SRRM4: variants seen among roughly 807,000 people sequenced by gnomAD.
SRRM4 encodes serine/arginine repetitive matrix protein 4.
In SRRM4, 33 loss-of-function variants were observed where a neutral mutation model predicts 68.9. That is an observed-to-expected ratio of 0.48 (90% CI 0.36 to 0.64). The LOEUF (loss-of-function observed/expected upper bound fraction) is 0.64. SRRM4 is among the 30% of genes least tolerant of loss of function. The pLI is 0.00. For missense variants in SRRM4, 817 were observed against 827.1 expected (o/e 0.99, Z 0.15); for synonymous variants, 318 against 318.8 (o/e 1.00, Z 0.03).
rs538093067 is a variant in SRRM4, at chr12:119,094,180, T to TG, written c.132-8054dup. 1.8e-4 allele frequency among the ~76,000 whole-genome samples: 28 copies of TG among 152,244 alleles called. No individual in the cohort carries two copies. The South Asian group carries it at 5.0e-3, about 27-fold the overall frequency. ...CACACTTGCTCTCAGCCCTGACAAC[T>TG]GGACTAAGCCATTCTCATCCATCGC... On this transcript the variant is annotated intron_variant, in intron 1 of 12. Transcript: ENST00000267260.
intron 2 of SRRM4, among the ~76,000 whole-genome samples, chr12:119,105,021 C>T: frequency 7.1e-6 from 1 of 141,742 alleles, no homozygotes; most frequent in Non-Finnish European, 1.5e-5. Context: ...ATCCTGTGTC[C>T]AAGTGTTCTC....
At chr12:119,085,005 A>T (rs970529965) in intron 1 of SRRM4, among the ~76,000 whole-genome samples, 1 of 152,128 alleles carries the variant, frequency 6.6e-6, no homozygotes, top group Non-Finnish European at 1.5e-5. Flanking sequence ...GGTTCAAGCG[A>T]TTCTCCTGTC....
At chr12:119,028,375 TG>T (rs892773690) in intron 1 of SRRM4, among the ~76,000 whole-genome samples, 1 of 152,062 alleles carries the variant, frequency 6.6e-6, no homozygotes, top group Non-Finnish European at 1.5e-5. Flanking sequence ...AATTGAATCA[TG>T]GGGGCAGGTC....
intron 8 of SRRM4, among the ~76,000 whole-genome samples, chr12:119,132,780 G>C (rs1028504255): frequency 1.3e-5 from 2 of 152,252 alleles, no homozygotes; most frequent in African/African-American, 4.8e-5. Context: ...CTAGCCTAAT[G>C]CTCTGATTAC....
chr12:118,984,275 T>C (rs1019206392), intron 1 of SRRM4, among the ~76,000 whole-genome samples: 3 of 152,174 alleles, frequency 2.0e-5, no homozygotes, highest in Non-Finnish European at 4.4e-5. Flanking sequence ...TACACTTACT[T>C]AAGGGTGAAA....
chr12:119,064,591 T>C (rs1030840350), intron 1 of SRRM4, among the ~76,000 whole-genome samples: 7 of 152,228 alleles, frequency 4.6e-5, no homozygotes, highest in African/African-American at 1.2e-4. Context: ...CTTAACCTGC[T>C]GTGTGACCTT....
At chr12:119,095,698 C>G (rs1327625386) in intron 1 of SRRM4, among the ~76,000 whole-genome samples, 1 of 152,154 alleles carries the variant, frequency 6.6e-6, no homozygotes, top group African/African-American at 2.4e-5. Flanking sequence ...TACAGAGCCT[C>G]TCCAAACACA....
intron 4 of SRRM4, among the ~76,000 whole-genome samples, chr12:119,118,635 G>A (rs1467320570): frequency 6.6e-6 from 1 of 152,232 alleles, no homozygotes; most frequent in Non-Finnish European, 1.5e-5. Flanking sequence ...GTCCTTTGTA[G>A]AGGCAATGGC....
intron 1 of SRRM4, among the ~76,000 whole-genome samples, chr12:119,017,567 G>T (rs1305914555): frequency 6.6e-6 from 1 of 152,204 alleles, no homozygotes; most frequent in African/African-American, 2.4e-5. Context: ...GGTGGCAGGA[G>T]TGGGAGCAGG....
At chr12:119,056,925 A>G (rs943347550) in intron 1 of SRRM4, among the ~76,000 whole-genome samples, 2 of 152,224 alleles carry the variant, frequency 1.3e-5, no homozygotes, top group African/African-American at 4.8e-5. Context: ...CCACTACAGT[A>G]CCTAAATCTT....
chr12:118,989,220 T>C (rs1953301038), intron 1 of SRRM4, among the ~76,000 whole-genome samples: 1 of 152,138 alleles, frequency 6.6e-6, no homozygotes, highest in Non-Finnish European at 1.5e-5. Context: ...TTCCTGACTC[T>C]GATGCAGCCA....
At chr12:119,086,310 T>C (rs566748222) in intron 1 of SRRM4, among the ~76,000 whole-genome samples, 1 of 152,304 alleles carries the variant, frequency 6.6e-6, no homozygotes, top group African/African-American at 2.4e-5. Context: ...GGCAGTTTCA[T>C]TGTGGCTGAG....
chr12:119,069,293 C>T (rs967625204), intron 1 of SRRM4, among the ~76,000 whole-genome samples: 1 of 152,182 alleles, frequency 6.6e-6, no homozygotes, highest in Non-Finnish European at 1.5e-5. Context: ...GAGTCCACCC[C>T]TCCTTCACGA....
chr12:119,099,504 C>T (rs1323398173), intron 1 of SRRM4, among the ~76,000 whole-genome samples: 2 of 152,216 alleles, frequency 1.3e-5, no homozygotes, highest in African/African-American at 4.8e-5. Context: ...CTTCTCACTT[C>T]GAGCAGATAC....
At chr12:119,074,138 GC>G (rs2136027548) in intron 1 of SRRM4, among the ~76,000 whole-genome samples, 1 of 152,198 alleles carries the variant, frequency 6.6e-6, no homozygotes, top group Non-Finnish European at 1.5e-5. Flanking sequence ...TCCTGCTTAG[GC>G]TTAATACTCT....
chr12:119,140,377 C>CAAAAA (rs368797079), intron 8 of SRRM4, among the ~76,000 whole-genome samples: 78 of 141,256 alleles, frequency 5.5e-4, no homozygotes, highest in Middle Eastern at 3.7e-3. Flanking sequence ...GACTCTGTCT[C>CAAAAA]AAAAAAAAAA....
chr12:118,995,573 C>T (rs1215230936), intron 1 of SRRM4, among the ~76,000 whole-genome samples: 1 of 152,142 alleles, frequency 6.6e-6, no homozygotes, highest in African/African-American at 2.4e-5. Context: ...CAATTTGATG[C>T]TACATTAATG....
intron 1 of SRRM4, chr12:119,001,968 GTGAAAACA>G (rs1953387199): frequency 2.3e-5 from 3 of 129,872 alleles, no homozygotes; most frequent in Non-Finnish European, 4.9e-5. Context: ...GGGTGACAGA[GTGAAAACA>G]TGTCTCAAAA....
chr12:119,115,611 G>C (rs1954174668), intron 3 of SRRM4, among the ~76,000 whole-genome samples: 1 of 152,216 alleles, frequency 6.6e-6, no homozygotes, highest in South Asian at 2.1e-4. Context: ...GGGGAAATAT[G>C]GATGAAGACT....
Sources: gnomAD v4.1 joint callset for allele counts (sites outside exome capture counted in the v4.1 genomes callset) on GRCh38, gnomAD v4.1.1 for gene constraint, MANE v1.5 for transcripts, NCBI Gene and HGNC (gene_info 2026-07-23, HGNC 2026-07-21) for gene names.